CES3: variants seen among roughly 807,000 people sequenced by gnomAD.
CES3 encodes carboxylesterase 3.
CES3 carries 49 observed loss-of-function variants against 57.6 expected under a neutral mutation model. The observed-to-expected ratio is 0.85, with a 90% confidence interval of 0.68 to 1.08. The LOEUF is 1.08. CES3 is among the 50% of genes least tolerant of loss of function. The pLI is 0.00. For synonymous variants in CES3, 266 were observed against 281.6 expected (o/e 0.94, Z 0.55); for missense variants, 645 against 742.0 (o/e 0.87, Z 1.52).
intron 9 of CES3, 130 bp from the exon 10 acceptor site, chr16:66,971,042 C>T: frequency 2.0e-6 from 2 of 1,001,764 alleles, no homozygotes; most frequent in Non-Finnish European, 1.4e-6. Context: ...GGCAGAGAGG[C>T]AGCTGGCTGT....
chr16:66,966,116 G>A (rs1237636098), intron 6 of CES3, 128 bp from the exon 7 acceptor site: 3 of 802,120 alleles, frequency 3.7e-6, no homozygotes, highest in Non-Finnish European at 5.9e-6. Context: ...TCTGTGACCA[G>A]TCTCGAGGCC....
At chr16:66,971,132 G>A (rs773427218) in intron 9 of CES3, 40 bp from the exon 10 acceptor site, 10 of 1,586,486 alleles carry the variant, frequency 6.3e-6, no homozygotes, top group Non-Finnish European at 7.7e-6. Context: ...TGCCACATCT[G>A]TGCACCCTGA....
rs1963694583 is a variant in CES3 at position 66,964,081 on chromosome 16, G to T, written c.560+146G>T. The T allele has an allele frequency of 4.7e-6, 6 of 1,286,660 alleles. No homozygotes were observed. The East Asian group carries it at 1.5e-4, about 31-fold the overall frequency. The allele number at this position is 1,286,660 out of a possible 1,614,324, so 79.7% of individuals were successfully genotyped here. A position where few individuals can be genotyped will look rare whatever the true frequency, so the allele number is the denominator to read the frequency against. On this transcript the variant is annotated intron_variant, in intron 4 of 12. Coordinates refer to ENST00000303334, the MANE Select transcript of CES3 (RefSeq NM_024922.6). ...TGAGGCAGAGAAGGGCACCCCCCAA[G>T]CCTCCACCCTGGGAGAGGGGTCCAG...
intron 10 of CES3, among the ~76,000 whole-genome samples, chr16:66,971,888 C>T (rs1192080865): frequency 6.6e-6 from 1 of 152,070 alleles, no homozygotes; most frequent in Non-Finnish European, 1.5e-5. Flanking sequence ...TCTTGTGATC[C>T]CAGTACTTTG....
rs370983435 is a variant in CES3 at position 66,966,316 on chromosome 16, G to T, written c.892G>T (p.Gly298Ter). 2 of 1,613,638 alleles carry T rather than the reference G, an allele frequency of 1.2e-6. No homozygotes were observed. The highest frequency in any genetic ancestry group is 1.7e-6 in the Non-Finnish European group (2 of 1,179,954). The change falls in exon 7 of 13, where the codon GGA becomes TGA. Residue 298 changes from glycine to a stop codon, truncating the protein, a stop_gained. Transcript: ENST00000303334. LOFTEE classifies it high-confidence loss of function. ...EMVQCLQQKEGEELVLSKKLK... is the reference protein window; with the variant it reads ...EMVQCLQQKE ...GGTGCAGTGCCTTCAGCAGAAAGAA[G>T]GAGAAGAGCTGGTCCTTAGCAAGAA... is the stretch of plus-strand genomic sequence containing the variant.
At chr16:66,967,480 ACT>A in intron 8 of CES3, 4 of 985,512 alleles carry the variant, frequency 4.1e-6, no homozygotes, top group Non-Finnish European at 4.8e-6. Context: ...GGTTAGTGTG[ACT>A]CTGTGCCAGA....
chr16:66,967,844 C>T (rs1438859542), intron 8 of CES3: 1 of 805,658 alleles, frequency 1.2e-6, no homozygotes, highest in African/African-American at 1.9e-5. Context: ...TCTCTACTGC[C>T]TCAACCTCTC....
At chr16:66,964,878 C>A in intron 6 of CES3, 151 bp downstream of exon 6, 1 of 611,336 alleles carries the variant, frequency 1.6e-6, no homozygotes, top group Non-Finnish European at 2.9e-6. Flanking sequence ...TCAGAGGAAA[C>A]AACTGCTGCA....
At chr16:66,972,256 C>G in intron 10 of CES3, 100 bp from the exon 11 acceptor site, 1 of 1,198,886 alleles carries the variant, frequency 8.3e-7, no homozygotes, top group Non-Finnish European at 1.1e-6. Flanking sequence ...TCATCATCAT[C>G]ATCATCATGG....
At chr16:66,965,958 G>A (rs1217898711) in intron 6 of CES3, among the ~76,000 whole-genome samples, 4 of 152,040 alleles carry the variant, frequency 2.6e-5, no homozygotes, top group Non-Finnish European at 4.4e-5. Flanking sequence ...AATAATAAAA[G>A]ATAATGACAC....
chr16:66,961,299 G>T lies in CES3; in HGVS notation c.-9G>T. The stretch of plus-strand genomic sequence containing the variant: ...TTCTGAAGCTTCTGTCGAACCAGTT[G>T]TAAGGAGAATGGAGAGAGCAGTGAG... On this transcript the variant is annotated 5_prime_UTR_variant, in exon 1 of 13. Transcript: ENST00000303334. 6.2e-7 allele frequency: 1 copy of T among 1,612,824 alleles called. No individual in the cohort carries two copies. The highest frequency in any genetic ancestry group is 8.5e-7 in the Non-Finnish European group (1 of 1,179,086).
intron 10 of CES3, among the ~76,000 whole-genome samples, chr16:66,971,954 A>G (rs1054214168): frequency 7.9e-5 from 12 of 151,670 alleles, no homozygotes; most frequent in African/African-American, 2.9e-4. Flanking sequence ...TGGGCAACAT[A>G]TTGACCCCAA....
At chr16:66,967,747 T>A in intron 8 of CES3, 1 of 985,246 alleles carries the variant, frequency 1.0e-6, no homozygotes, top group Non-Finnish European at 1.2e-6. Flanking sequence ...CCATTTTTGT[T>A]GTTGTTGTTG....
rs1243374084 is a variant in CES3, at chr16:66,964,672, G to A, written c.764G>A (p.Ser255Asn). Reference sequence around the variant, plus strand: ...CTGTTCCACAGAGCCATCACACAGAGTGGGGTCATCACCACCCCAGGGATC... The same window carrying A: ...CTGTTCCACAGAGCCATCACACAGAATGGGGTCATCACCACCCCAGGGATC... ...AGLFHRAITQ[S>N]GVITTPGIID... Residue 255 changes from serine to asparagine, a missense_variant, in exon 6 of 13, where the codon AGT becomes AAT. By Grantham distance (46) the Ser-to-Asn change is conservative. Coordinates refer to ENST00000303334, the MANE Select transcript of CES3 (RefSeq NM_024922.6). The A allele has an allele frequency of 1.9e-6, 3 of 1,613,982 alleles. No individual in the cohort carries two copies. The highest frequency in any genetic ancestry group is 2.5e-6 in the Non-Finnish European group (3 of 1,180,010).
Position 66,964,359 on chromosome 16 carries a change from C to T in CES3, c.563C>T (p.Thr188Ile). The stretch of plus-strand genomic sequence containing the variant: ...CGTTGCCCCAACACTGCCCCCAGCA[C>T]TGGAGATGAGCATGCACCTGGCAAC... ...YRLGVLGFFSTGDEHAPGNQG... is the reference protein window; with the variant it reads ...YRLGVLGFFSIGDEHAPGNQG... Residue 188 changes from threonine (T) to isoleucine (I), a missense_variant and splice_region_variant, in exon 5 of 13, where the codon ACT becomes ATT. Transcript: ENST00000303334. 6.2e-7 allele frequency: 1 copy of T among 1,613,708 alleles called. No individual in the cohort carries two copies. Among genetic ancestry groups the T allele is most frequent in the South Asian group, 1.1e-5 (1 of 91,044 alleles).
chr16:66,963,352 G>C lies in CES3; in HGVS notation c.256G>C (p.Gly86Arg). The change falls in exon 2 of 13, where the codon GGT becomes CGT. Residue 86 changes from glycine (G) to arginine (R), a missense_variant. Physicochemically the swap from Gly to Arg is moderately radical, Grantham distance 125 (BLOSUM62 -2). Transcript: ENST00000303334. The surrounding 1 kb of genome is among the most constrained non-coding windows in gnomAD (Gnocchi z 4.9). ...SAPHPAQPWE[G>R]VRDASTAPPM... The stretch of plus-strand genomic sequence containing the variant: ...CCCACACCCAGCACAGCCCTGGGAG[G>C]GTGTGCGGGATGCCAGCACTGCGCC... The C allele has an allele frequency of 6.2e-7, 1 of 1,613,264 alleles. No homozygotes were observed. Among genetic ancestry groups the C allele is most frequent in the African/African-American group, 1.3e-5 (1 of 75,040 alleles).
Position 66,967,694 on chromosome 16 carries a change from T to C in CES3, c.1062+829T>C. The C allele has an allele frequency of 1.0e-5, 10 of 985,344 alleles. No homozygotes were observed. The South Asian group carries it at 2.4e-4, about 23-fold the overall frequency. 61.0% of individuals were successfully genotyped at this position (985,344 alleles called of 1,614,324 possible). ...CATTTTCTTCACTTTTCTTTTTTTT[T>C]TTTTTTCGTCTTGGCCCATTGCACA... On this transcript the variant is annotated intron_variant, in intron 8 of 12. Transcript: ENST00000303334.
rs752008504 is a variant in CES3 at position 66,966,803 on chromosome 16, T to A, written c.1000T>A (p.Phe334Ile). 6.6e-5 allele frequency: 107 copies of A among 1,614,052 alleles called. No individual in the cohort carries two copies. In the South Asian group the frequency reaches 1.1e-3, roughly 17 times the overall value. Residue 334 changes from phenylalanine to isoleucine, a missense_variant, in exon 8 of 13, where the codon TTC becomes ATC. By Grantham distance (21) the Phe-to-Ile change is conservative (BLOSUM62 0). Coordinates refer to ENST00000303334, the MANE Select transcript of CES3 (RefSeq NM_024922.6). ...SPKELLKEKP[F>I]HSVPFLMGVN... is the part of the protein sequence containing the mutation. ...CAAGGAACTCCTGAAGGAGAAGCCC[T>A]TCCACTCTGTGCCCTTCCTCATGGG... is the stretch of plus-strand genomic sequence containing the variant.
chr16:66,967,751 G>A (rs1963757910), intron 8 of CES3: 1 of 978,470 alleles, frequency 1.0e-6, no homozygotes, highest in South Asian at 4.7e-5. Context: ...TTTTGTTGTT[G>A]TTGTTGTTTG....
Sources: allele counts gnomAD v4.1 joint callset (sites outside exome capture counted in the v4.1 genomes callset), GRCh38; gene constraint gnomAD v4.1.1; non-coding constraint Gnocchi (gnomAD v3.1); transcripts MANE v1.5; gene names NCBI Gene and HGNC (gene_info 2026-07-23, HGNC 2026-07-21).